The following SETD5 variants were observed in gnomAD, a reference collection of about 807,000 sequenced individuals.
The protein encoded by SETD5 is histone-lysine N-methyltransferase SETD5.
A neutral mutation model predicts 153.3 loss-of-function variants in SETD5; 44 were observed. That is an observed-to-expected ratio of 0.29 (90% CI 0.23 to 0.37). SETD5 has a LOEUF of 0.37. SETD5 is among the 10% of genes least tolerant of loss of function. The pLI is 1.00. For synonymous variants in SETD5, 716 were observed against 645.2 expected (o/e 1.11, Z -1.66); for missense variants, 1,544 against 1,768.0 (o/e 0.87, Z 2.27).
intron 1 of SETD5, among the ~76,000 whole-genome samples, chr3:9,414,662 G>A (rs2037144149): frequency 6.6e-6 from 1 of 152,132 alleles, no homozygotes; most frequent in South Asian, 2.1e-4. Flanking sequence ...GTTCTCCGTA[G>A]TGTATTTTTT....
intron 1 of SETD5, among the ~76,000 whole-genome samples, chr3:9,407,997 T>A (rs1167844929): frequency 1.4e-4 from 2 of 14,632 alleles, no homozygotes; most frequent in East Asian, 2.2e-3. Context: ...CAAAACTATG[T>A]CTCAAAAAAA....
chr3:9,442,957 T>C (rs553983180), intron 10 of SETD5: 19 of 193,002 alleles, frequency 9.8e-5, no homozygotes, highest in South Asian at 2.1e-4. Context: ...GGAGAATTGC[T>C]TGAACCCGGG....
In SETD5 at chr3:9,448,434, G is replaced by C; in HGVS notation, c.2150G>C (p.Cys717Ser). 12 of 1,613,846 alleles carry C rather than the reference G, an allele frequency of 7.4e-6. No homozygotes were observed. The highest frequency in any genetic ancestry group is 9.3e-6 in the Non-Finnish European group (11 of 1,179,858). The part of the protein sequence containing the change: ...WLNDKAEKQE[C>S]PVECPLRITT... ...AATGACAAAGCAGAGAAGCAAGAGTGCCCTGTTGAGTGCCCTTTACGTATC... is the reference window on the plus strand; with the variant it reads ...AATGACAAAGCAGAGAAGCAAGAGTCCCCTGTTGAGTGCCCTTTACGTATC... The change falls in exon 16 of 23, where the codon TGC becomes TCC. Residue 717 changes from cysteine to serine, a missense_variant. Cys to Ser is a moderately radical substitution (Grantham distance 112). This residue lies in a region of SETD5 where 782 missense variants were observed against 787.2 expected (regional missense o/e 0.99). Coordinates refer to ENST00000402198, the MANE Select transcript of SETD5 (RefSeq NM_001080517.3).
intron 8 of SETD5, among the ~76,000 whole-genome samples, chr3:9,440,971 A>G (rs1232523941): frequency 6.6e-6 from 1 of 152,208 alleles, no homozygotes; most frequent in African/African-American, 2.4e-5. Context: ...CACTTTGGCA[A>G]GAAGCCAAGG....
chr3:9,437,403 A>G (rs1458841856), intron 7 of SETD5, among the ~76,000 whole-genome samples: 2 of 152,184 alleles, frequency 1.3e-5, no homozygotes, highest in Non-Finnish European at 1.5e-5. Context: ...ATGATTTTGT[A>G]AAGAACTTGG....
At chr3:9,409,026 C>T (rs958130720) in intron 1 of SETD5, among the ~76,000 whole-genome samples, 2 of 152,040 alleles carry the variant, frequency 1.3e-5, no homozygotes, top group African/African-American at 2.4e-5. Flanking sequence ...CTCATAACTC[C>T]TTCTGCATTT....
intron 19 of SETD5, 45 bp downstream of exon 19, chr3:9,470,974 C>A: frequency 9.6e-7 from 1 of 1,036,878 alleles, no homozygotes; most frequent in Non-Finnish European, 1.4e-6. Context: ...AGAATGTTAA[C>A]CAAGTAGTTT....
At position 9,445,644 on chromosome 3, in the gene SETD5, C is replaced by T. The variant is rs377651568; in HGVS notation, c.1441-13C>T. 4.9e-5 allele frequency: 79 copies of T among 1,608,788 alleles called. No individual in the cohort carries two copies. The African/African-American group carries it at 8.8e-4, about 18-fold the overall frequency. ...GAGCTTGAGTACAGCTGAATATTGC[C>T]TCTATCTTAAAGGAAGTAGACAATC... On this transcript the variant is annotated splice_polypyrimidine_tract_variant and intron_variant, in intron 12 of 22. Coordinates refer to ENST00000402198, the MANE Select transcript of SETD5 (RefSeq NM_001080517.3).
intron 17 of SETD5, among the ~76,000 whole-genome samples, chr3:9,457,009 GAAAGAAAAGAGA>G (rs948125295): frequency 7.9e-5 from 12 of 151,022 alleles, no homozygotes; most frequent in Non-Finnish European, 1.5e-4. Context: ...AGGGAGGGAA[GAAAGAAAAGAGA>G]AAAGAAAAGA....
chr3:9,402,573 A>C (rs1168001697), intron 1 of SETD5, among the ~76,000 whole-genome samples: 4 of 152,088 alleles, frequency 2.6e-5, no homozygotes. Context: ...CCTGATGCTC[A>C]TGTCTGTTGC....
intron 16 of SETD5, among the ~76,000 whole-genome samples, chr3:9,451,542 G>A (rs1252414209): frequency 6.6e-6 from 1 of 152,054 alleles, no homozygotes; most frequent in Non-Finnish European, 1.5e-5. Context: ...TGACCTCCTG[G>A]GCTCAAATGG....
chr3:9,453,965 G>T, intron 17 of SETD5, 97 bp downstream of exon 17: 2 of 1,314,750 alleles, frequency 1.5e-6, no homozygotes, highest in Non-Finnish European at 1.0e-6. Flanking sequence ...AAAAGAAATG[G>T]CGTGTTTTCT....
chr3:9,440,335 T>C (rs974288075), intron 7 of SETD5, 121 bp from the exon 8 acceptor site: 4 of 636,342 alleles, frequency 6.3e-6, no homozygotes, highest in Non-Finnish European at 1.1e-5. Context: ...CATTACTCTT[T>C]TATGCCACAT....
chr3:9,429,218 G>A, intron 3 of SETD5: 1 of 333,984 alleles, frequency 3.0e-6, no homozygotes, highest in Non-Finnish European at 5.5e-6. Context: ...GGGTATTTCT[G>A]GGCAAATAAT....
intron 1 of SETD5, among the ~76,000 whole-genome samples, chr3:9,403,270 TA>T (rs1026096323): frequency 6.6e-6 from 1 of 152,006 alleles, no homozygotes; most frequent in African/African-American, 2.4e-5. Context: ...AAAAAATAAA[TA>T]AAGCTCTGTA....
intron 2 of SETD5, 126 bp downstream of exon 2, chr3:9,424,652 G>A (rs113667648): frequency 2.4e-4 from 37 of 152,224 alleles, no homozygotes; most frequent in African/African-American, 8.2e-4. Flanking sequence ...ACTTCTCTAC[G>A]TGTCAGTTAT....
rs532796792 is a variant in SETD5, at chr3:9,449,844, G to T, written c.2346+1214G>T. 2.0e-5 allele frequency among the ~76,000 whole-genome samples: 3 copies of T among 152,148 alleles called. No homozygotes were observed. In the South Asian group the frequency reaches 6.2e-4, roughly 32 times the overall value. ...CACTCATTGGTTTGTTCGGGGAAAC[G>T]CTCGTAGAATTCCTAAAGAGAAATT... is the stretch of plus-strand genomic sequence containing the variant. On this transcript the variant is annotated intron_variant, in intron 16 of 22. Transcript: ENST00000402198.
Position 9,446,184 on chromosome 3 carries a change from G to A in SETD5, c.1524+444G>A, listed in dbSNP as rs371128733. 3.9e-4 allele frequency among the ~76,000 whole-genome samples: 59 copies of A among 150,560 alleles called. No individual in the cohort carries two copies. In the East Asian group the frequency reaches 4.2e-3, roughly 11 times the overall value. On this transcript the variant is annotated intron_variant, in intron 13 of 22. Transcript: ENST00000402198. ...TGCCTGTAGTCCCAGCTACTCGGGA[G>A]GCTAAGGCAGGAGAATGGCATGAAC...
chr3:9,453,090 T>C (rs2042816652), intron 16 of SETD5, among the ~76,000 whole-genome samples: 1 of 152,210 alleles, frequency 6.6e-6, no homozygotes, highest in African/African-American at 2.4e-5. Flanking sequence ...TGATAGGTCT[T>C]CTTTTTGACT....
Sources: gnomAD v4.1 joint callset for allele counts (sites outside exome capture counted in the v4.1 genomes callset) on GRCh38, gnomAD v4.1.1 for gene constraint, gnomAD v4.1.1 regional missense constraint, MANE v1.5 for transcripts, NCBI Gene and HGNC (gene_info 2026-07-23, HGNC 2026-07-21) for gene names.